Variants in KIAA1217 observed in about 807,000 individuals in gnomAD.
KIAA1217 encodes KIAA1217.
In KIAA1217, 88 loss-of-function variants were observed where a neutral mutation model predicts 163.9. That is an observed-to-expected ratio of 0.54 (90% CI 0.45 to 0.64). KIAA1217 has a LOEUF of 0.64. Among genes scored for constraint, KIAA1217 ranks in the 30% least tolerant of loss-of-function variants. The pLI is 0.00. For synonymous variants in KIAA1217, 903 were observed against 923.1 expected (o/e 0.98, Z 0.39); for missense variants, 2,372 against 2,475.0 (o/e 0.96, Z 0.88).
chr10:24,467,462 G>A lies in KIAA1217; in HGVS notation c.847-5766G>A, dbSNP rs1327413324. Among the ~76,000 whole-genome samples, 9 of 152,184 alleles carry A rather than the reference G, an allele frequency of 5.9e-5. No individual in the cohort carries two copies. In the East Asian group the frequency reaches 1.7e-3, roughly 29 times the overall value. On this transcript the variant is annotated intron_variant, in intron 5 of 20. Transcript: ENST00000376454. ...GGTAGAACAGTCTTGTTCATACATT[G>A]CCATTATATCTAGTGCAGTTGAATG...
At position 23,695,048 on chromosome 10, in the gene KIAA1217, G is replaced by T. The variant is rs980531361; in HGVS notation, c.-507G>T. On this transcript the variant is annotated 5_prime_UTR_variant, in exon 1 of 19. Transcript: ENST00000376462. This position sits in a 1 kb window ranked among gnomAD's most constrained non-coding sequence, Gnocchi z 4.9. ...CACCACTCGGCTGGCAGCCGCGAGC[G>T]GCGGCCGAACCTCGGCCCCAGACTC... 2.6e-5 allele frequency: 4 copies of T among 152,356 alleles called. No homozygotes were observed. Among genetic ancestry groups the T allele is most frequent in the Admixed American group, 2.6e-4 (4 of 15,306 alleles). The allele number at this position is 152,356 out of a possible 1,614,324, so 9.4% of individuals were successfully genotyped here.
chr10:24,169,687 G>A (rs2131909639), intron 2 of KIAA1217, among the ~76,000 whole-genome samples: 1 of 152,170 alleles, frequency 6.6e-6, no homozygotes, highest in East Asian at 1.9e-4. Flanking sequence ...GCCAGGGTCT[G>A]CACAGCCCTC....
At chr10:24,498,244 T>C (rs116311456) in intron 8 of KIAA1217, among the ~76,000 whole-genome samples, 124 of 152,042 alleles carry the variant, frequency 8.2e-4, no homozygotes, top group African/African-American at 2.9e-3. Flanking sequence ...ATTTAAAAGG[T>C]TGGCAGAGGA....
chr10:24,202,266 C>A (rs769179879), intron 2 of KIAA1217, among the ~76,000 whole-genome samples: 1 of 152,182 alleles, frequency 6.6e-6, no homozygotes, highest in African/African-American at 2.4e-5. Context: ...GTTTATTTGG[C>A]AGAGAAGCCA....
rs34881154 is a variant in KIAA1217 at position 23,912,347 on chromosome 10, C to CT, written c.-320-94867dup. ...GCTCCATTTGTTTATTTTTTTAGAA[C>CT]TTTTTTTTTTTGGTTTGGGGTTATA... On this transcript the variant is annotated intron_variant, in intron 1 of 18. Coordinates refer to the KIAA1217 transcript ENST00000376462. Among the ~76,000 whole-genome samples, 15 of 148,660 alleles carry CT rather than the reference C, an allele frequency of 1.0e-4. No homozygotes were observed. In the South Asian group the frequency reaches 1.1e-3, roughly 11 times the overall value.
At chr10:23,870,976 C>A (rs1016340022) in intron 1 of KIAA1217, among the ~76,000 whole-genome samples, 5 of 151,740 alleles carry the variant, frequency 3.3e-5, no homozygotes, top group Non-Finnish European at 7.4e-5. Flanking sequence ...AGTGAAAGAG[C>A]TGGAATTTGA....
upstream of KIAA1217, chr10:24,209,055 G>A: frequency 1.5e-6 from 1 of 665,806 alleles, no homozygotes; most frequent in Non-Finnish European, 2.6e-6. Flanking sequence ...GCACCGGAGT[G>A]GAAAATAGTT....
chr10:24,060,767 G>C (rs1053288156), intron 2 of KIAA1217, among the ~76,000 whole-genome samples: 1 of 152,106 alleles, frequency 6.6e-6, no homozygotes, highest in Non-Finnish European at 1.5e-5. Context: ...CACATCTTTG[G>C]TGTCACAAGG....
At chr10:24,317,053 A>T (rs2043477581) in intron 2 of KIAA1217, among the ~76,000 whole-genome samples, 1 of 152,100 alleles carries the variant, frequency 6.6e-6, no homozygotes, top group Non-Finnish European at 1.5e-5. Flanking sequence ...CTAGAATTAT[A>T]AATTATTATA....
intron 1 of KIAA1217, among the ~76,000 whole-genome samples, chr10:23,925,882 T>C (rs140404228): frequency 6.6e-6 from 1 of 152,256 alleles, no homozygotes; most frequent in African/African-American, 2.4e-5. Flanking sequence ...CAGCTGAGAA[T>C]TGATGCAAAG....
At chr10:24,259,700 C>T (rs1489203945) in intron 2 of KIAA1217, among the ~76,000 whole-genome samples, 11 of 152,298 alleles carry the variant, frequency 7.2e-5, no homozygotes, top group East Asian at 1.9e-4. Flanking sequence ...AACTGAACTC[C>T]GTGATTCCCC....
chr10:24,474,621 C>T (rs2063820589), intron 6 of KIAA1217, among the ~76,000 whole-genome samples: 1 of 152,154 alleles, frequency 6.6e-6, no homozygotes, highest in African/African-American at 2.4e-5. Flanking sequence ...TAATATTTAT[C>T]TAGGAGTGGT....
chr10:23,919,584 C>G (rs932598767), intron 1 of KIAA1217, among the ~76,000 whole-genome samples: 1 of 124,088 alleles, frequency 8.1e-6, no homozygotes, highest in African/African-American at 3.2e-5. Context: ...CCAGCCTGGG[C>G]GACAAAGCAA....
chr10:24,040,207 C>T (rs1211095116), intron 2 of KIAA1217, among the ~76,000 whole-genome samples: 2 of 152,208 alleles, frequency 1.3e-5, no homozygotes, highest in Non-Finnish European at 2.9e-5. Context: ...AGCTATGTCA[C>T]TGTCAGTCAT....
intron 1 of KIAA1217, among the ~76,000 whole-genome samples, chr10:23,798,977 A>T (rs115324535): frequency 0.013 from 1,914 of 152,304 alleles, 37 homozygotes; most frequent in African/African-American, 0.042. Flanking sequence ...CAAGATTGAG[A>T]TGTCAGCAGG....
At chr10:24,044,555 A>T (rs986327533) in intron 2 of KIAA1217, among the ~76,000 whole-genome samples, 1 of 151,972 alleles carries the variant, frequency 6.6e-6, no homozygotes, top group Non-Finnish European at 1.5e-5. Context: ...AGACTAGTGT[A>T]GTGACCCTTC....
At chr10:24,545,668 G>T (rs775802533) in intron 20 of KIAA1217, 159 bp from the exon 21 acceptor site, 5 of 1,441,722 alleles carry the variant, frequency 3.5e-6, no homozygotes, top group Non-Finnish European at 4.5e-6. Context: ...TTTCTACCAG[G>T]TCCAGTAGAG....
At chr10:24,447,104 T>C (rs1185832725) in intron 5 of KIAA1217, among the ~76,000 whole-genome samples, 1 of 152,118 alleles carries the variant, frequency 6.6e-6, no homozygotes, top group Non-Finnish European at 1.5e-5. Context: ...GAAACTTCCA[T>C]AGAACTTCAC....
chr10:24,510,115 C>T (rs1188249254), intron 9 of KIAA1217, among the ~76,000 whole-genome samples: 2 of 152,062 alleles, frequency 1.3e-5, no homozygotes, highest in East Asian at 1.9e-4. Flanking sequence ...TGGCATGCTC[C>T]CTGCCTTGAT....
Sources: gnomAD v4.1 joint callset for allele counts (sites outside exome capture counted in the v4.1 genomes callset) on GRCh38, gnomAD v4.1.1 for gene constraint, Gnocchi (gnomAD v3.1) non-coding constraint, MANE v1.5 for transcripts, NCBI Gene and HGNC (gene_info 2026-07-23, HGNC 2026-07-21) for gene names.